TOP2B: variants seen among roughly 807,000 people sequenced by gnomAD.
TOP2B encodes the protein DNA topoisomerase 2-beta.
In TOP2B, 51 loss-of-function variants were observed where a neutral mutation model predicts 193.5. That is an observed-to-expected ratio of 0.26 (90% CI 0.21 to 0.33). The LOEUF is 0.33. Ranked by LOEUF, TOP2B falls within the 10% of genes least tolerant of loss-of-function variation. The pLI, the probability that TOP2B is intolerant of heterozygous loss-of-function variation, is 1.00. For synonymous variants in TOP2B, 634 were observed against 635.7 expected (o/e 1.00, Z 0.04); for missense variants, 1,378 against 1,909.3 (o/e 0.72, Z 5.19).
At chr3:25,618,335 T>G (rs1189837881) in intron 25 of TOP2B, 83 bp downstream of exon 25, 2 of 986,298 alleles carry the variant, frequency 2.0e-6, no homozygotes, top group Non-Finnish European at 1.6e-6. Flanking sequence ...GTACTAAATT[T>G]AAAATTTAGG....
intron 21 of TOP2B, 98 bp downstream of exon 21, chr3:25,623,417 T>C: frequency 9.0e-7 from 1 of 1,116,304 alleles, no homozygotes; most frequent in Non-Finnish European, 1.3e-6. Context: ...TACAATATGT[T>C]CTAAAATAAA....
chr3:25,645,195 A>G, intron 2 of TOP2B, 105 bp downstream of exon 2: 1 of 1,071,196 alleles, frequency 9.3e-7, no homozygotes, highest in Non-Finnish European at 1.3e-6. Context: ...TGACAGATGA[A>G]ATTACAAATT....
intron 32 of TOP2B, 33 bp from the exon 33 acceptor site, chr3:25,604,903 G>GA: frequency 6.6e-7 from 1 of 1,506,588 alleles, no homozygotes; most frequent in Non-Finnish European, 9.2e-7. Flanking sequence ...TTAGTAAAGA[G>GA]ATGTTATAAA....
intron 4 of TOP2B, among the ~76,000 whole-genome samples, 174 bp from the exon 5 acceptor site, chr3:25,638,484 C>T (rs1054166471): frequency 6.6e-6 from 1 of 151,838 alleles, no homozygotes; most frequent in South Asian, 2.1e-4. Context: ...AGAAAATACT[C>T]GCTGAGGACA....
chr3:25,618,099 C>G (rs1470629986), intron 25 of TOP2B: 32 of 272,058 alleles, frequency 1.2e-4, no homozygotes, highest in Non-Finnish European at 1.6e-4. Context: ...ATACATGTAC[C>G]TCACAAAAAC....
chr3:25,615,705 G>A (rs1189736147), intron 25 of TOP2B, 119 bp from the exon 26 acceptor site: 27 of 866,596 alleles, frequency 3.1e-5, no homozygotes, highest in Non-Finnish European at 3.9e-5. Flanking sequence ...TACATCTTCA[G>A]GATGGTGGGG....
At chr3:25,619,296 C>A (rs1397027770) in intron 23 of TOP2B, among the ~76,000 whole-genome samples, 2,017 of 152,242 alleles carry the variant, frequency 0.013, 46 homozygotes, top group African/African-American at 0.044. Context: ...ATAATCCAGT[C>A]ACCCAAACTC....
At chr3:25,631,111 C>A (rs1575575823) in intron 10 of TOP2B, among the ~76,000 whole-genome samples, 172 bp from the exon 11 acceptor site, 1 of 152,032 alleles carries the variant, frequency 6.6e-6, no homozygotes, top group South Asian at 2.1e-4. Flanking sequence ...TACTCAACTA[C>A]TGTAAAATTA....
At chr3:25,635,587 T>C (rs1484551196) in intron 7 of TOP2B, among the ~76,000 whole-genome samples, 1 of 152,098 alleles carries the variant, frequency 6.6e-6, no homozygotes, top group Non-Finnish European at 1.5e-5. Flanking sequence ...TGACAGGCTC[T>C]TCAGGAAACT....
intron 1 of TOP2B, among the ~76,000 whole-genome samples, chr3:25,653,601 A>T (rs1451594101): frequency 1.3e-5 from 2 of 152,016 alleles, no homozygotes; most frequent in African/African-American, 2.4e-5. Flanking sequence ...GGCTAATTTT[A>T]AAATTTCTTC....
chr3:25,639,912 C>G (rs1379637437), intron 4 of TOP2B, among the ~76,000 whole-genome samples: 1 of 152,170 alleles, frequency 6.6e-6, no homozygotes, highest in East Asian at 1.9e-4. Flanking sequence ...AAAATTTAAC[C>G]TCTCCTCCAC....
intron 1 of TOP2B, among the ~76,000 whole-genome samples, chr3:25,656,257 G>A (rs1217833309): frequency 6.6e-6 from 1 of 152,118 alleles, no homozygotes; most frequent in African/African-American, 2.4e-5. Context: ...GAATACAATG[G>A]AAGTCATTTG....
chr3:25,642,164 A>T (rs185381043), intron 4 of TOP2B, among the ~76,000 whole-genome samples, 158 bp downstream of exon 4: 4 of 152,294 alleles, frequency 2.6e-5, no homozygotes, highest in Admixed American at 2.6e-4. Flanking sequence ...AAGAAAAGAC[A>T]ATAAATGACA....
rs1702310181 is a variant in TOP2B, at chr3:25,609,291, C to T, written c.3985G>A (p.Val1329Met). Reference sequence around the variant, plus strand: ...TCTGACCAAGGATTCCGTTTCTTCACTTTCTTTGCACTAGGTTTACCAGAT... The same window carrying T: ...TCTGACCAAGGATTCCGTTTCTTCATTTTCTTTGCACTAGGTTTACCAGAT... ...TSSGKPSAKK[V>M]KKRNPWSDDE... The change falls in exon 30 of 36, where the codon GTG (valine) becomes ATG (methionine). Residue 1329 changes from valine (V) to methionine (M), a missense_variant. Physicochemically the swap from Val to Met is conservative, Grantham distance 21. This residue lies in a region of TOP2B where 556 missense variants were observed against 584.2 expected (regional missense o/e 0.95). Transcript: ENST00000264331. 1 of 1,600,418 alleles carries T rather than the reference C, an allele frequency of 6.2e-7. No individual in the cohort carries two copies. Among genetic ancestry groups the T allele is most frequent in the African/African-American group, 1.3e-5 (1 of 74,738 alleles).
chr3:25,664,177 C>T (rs1040594220), intron 1 of TOP2B, 52 bp downstream of exon 1: 1 of 1,536,580 alleles, frequency 6.5e-7, no homozygotes, highest in South Asian at 1.2e-5. Context: ...ATTCCGCCCC[C>T]GCCGCGGGCC....
intron 24 of TOP2B, 54 bp downstream of exon 24, chr3:25,618,600 A>G (rs905073765): frequency 5.3e-6 from 8 of 1,522,614 alleles, no homozygotes; most frequent in Non-Finnish European, 7.0e-6. Context: ...TTCTATTAAT[A>G]AAGTTTTTTT....
intron 33 of TOP2B, among the ~76,000 whole-genome samples, 161 bp downstream of exon 33, chr3:25,604,599 G>A (rs887371657): frequency 1.3e-5 from 2 of 152,068 alleles, no homozygotes; most frequent in East Asian, 1.9e-4. Flanking sequence ...TTTTATTAAC[G>A]CCCTCAGATG....
chr3:25,615,616 G>C (rs1559495414), intron 25 of TOP2B, 30 bp from the exon 26 acceptor site: 2 of 1,436,050 alleles, frequency 1.4e-6, no homozygotes, highest in Non-Finnish European at 1.8e-6. Flanking sequence ...GTATATTAAA[G>C]TCTTGTATAG....
At chr3:25,623,779 T>A in intron 20 of TOP2B, 33 bp from the exon 21 acceptor site, 1 of 1,437,626 alleles carries the variant, frequency 7.0e-7, no homozygotes, top group Non-Finnish European at 9.6e-7. Flanking sequence ...AATGAAAAAA[T>A]GTCATGGCTT....
Sources: gnomAD v4.1 joint callset for allele counts (sites outside exome capture counted in the v4.1 genomes callset) on GRCh38, gnomAD v4.1.1 for gene constraint, gnomAD v4.1.1 regional missense constraint, MANE v1.5 for transcripts, NCBI Gene and HGNC (gene_info 2026-07-23, HGNC 2026-07-21) for gene names.